Variants in SAV1 observed in about 807,000 individuals in gnomAD.
SAV1 encodes the protein protein salvador homolog 1.
A neutral mutation model predicts 47.3 loss-of-function variants in SAV1; 23 were observed. That is an observed-to-expected ratio of 0.49 (90% CI 0.35 to 0.69). The LOEUF (loss-of-function observed/expected upper bound fraction) is 0.69, where lower values mean the gene tolerates loss of function less well. SAV1 is among the 30% of genes least tolerant of loss of function. The pLI, the probability that SAV1 is intolerant of heterozygous loss-of-function variation, is 0.01. For synonymous variants in SAV1, 155 were observed against 159.2 expected (o/e 0.97, Z 0.20); for missense variants, 448 against 457.4 (o/e 0.98, Z 0.19).
intron 2 of SAV1, among the ~76,000 whole-genome samples, chr14:50,651,579 G>C (rs1341419096): frequency 6.6e-6 from 1 of 152,154 alleles, no homozygotes; most frequent in African/African-American, 2.4e-5. Context: ...AGCAGCTAAA[G>C]CATACTTCAG....
chr14:50,667,040 C>T (rs1430814369), intron 1 of SAV1, among the ~76,000 whole-genome samples: 2 of 151,882 alleles, frequency 1.3e-5, no homozygotes, highest in Non-Finnish European at 2.9e-5. Context: ...AGCAAAGGGC[C>T]CAGGGCGCAG....
intron 2 of SAV1, among the ~76,000 whole-genome samples, chr14:50,646,685 CAAAAAAA>C (rs78772724): frequency 1.3e-5 from 1 of 76,320 alleles, no homozygotes; most frequent in South Asian, 5.5e-4. Context: ...AACTCTGTCT[CAAAAAAA>C]AAAAAAAAAA....
Position 50,633,777 on chromosome 14 carries a change from A to G in SAV1, c.*1406T>C, listed in dbSNP as rs1016928183. 6.5e-6 allele frequency: 1 copy of G among 152,892 alleles called. No individual in the cohort carries two copies. Among genetic ancestry groups the G allele is most frequent in the Non-Finnish European group, 1.5e-5 (1 of 68,238 alleles). 9.5% of individuals were successfully genotyped at this position (152,892 alleles called of 1,614,324 possible). A position where few individuals can be genotyped will look rare whatever the true frequency, so the allele number is the denominator to read the frequency against. ...CTGGAAGACTTCCTAAGCTAAAAGTATATTTACATATTTACAACACATGTA... is the reference window on the plus strand; with the variant it reads ...CTGGAAGACTTCCTAAGCTAAAAGTGTATTTACATATTTACAACACATGTA... On this transcript the variant is annotated 3_prime_UTR_variant, in exon 5 of 5. Transcript: ENST00000324679.
intron 2 of SAV1, among the ~76,000 whole-genome samples, chr14:50,655,958 T>A (rs2039808934): frequency 6.6e-6 from 1 of 152,144 alleles, no homozygotes; most frequent in Admixed American, 6.5e-5. Context: ...GGCAGAAGAA[T>A]CACTTGAACC....
At chr14:50,650,845 A>G (rs1449944591) in intron 2 of SAV1, among the ~76,000 whole-genome samples, 1 of 152,106 alleles carries the variant, frequency 6.6e-6, no homozygotes, top group Non-Finnish European at 1.5e-5. Flanking sequence ...AAGACGACAA[A>G]ACCCTATCTC....
intron 2 of SAV1, among the ~76,000 whole-genome samples, chr14:50,651,126 C>CA (rs1168100795): frequency 6.6e-6 from 1 of 152,076 alleles, no homozygotes; most frequent in Non-Finnish European, 1.5e-5. Flanking sequence ...CATGAGAGAT[C>CA]CTGAGTCAGA....
rs747363793 is a variant in SAV1 at position 50,665,613 on chromosome 14, A to G, written c.101T>C (p.Met34Thr). Reference sequence around the variant, plus strand: ...TGGACCATGCCGGATGAATGAAGGCATAAGATCTACAATAAAACAAAGGAT... The same window carrying G: ...TGGACCATGCCGGATGAATGAAGGCGTAAGATCTACAATAAAACAAAGGAT... ...KETSPLLRNLMPSFIRHGPTI... is the reference protein window; with the variant it reads ...KETSPLLRNLTPSFIRHGPTI... Residue 34 changes from methionine to threonine, a missense_variant, in exon 2 of 5, where the codon ATG becomes ACG. Transcript: ENST00000324679. 1.3e-5 allele frequency: 20 copies of G among 1,596,920 alleles called. No homozygotes were observed. The East Asian group carries it at 3.6e-4, about 29-fold the overall frequency.
At chr14:50,661,738 G>C (rs900672677) in intron 2 of SAV1, among the ~76,000 whole-genome samples, 3 of 152,080 alleles carry the variant, frequency 2.0e-5, no homozygotes, top group African/African-American at 7.2e-5. Context: ...AAAATCAGTT[G>C]GCTGTAAATA....
In SAV1 at chr14:50,665,171, T is replaced by C. The variant is rs747251245; in HGVS notation, c.535+8A>G. The C allele has an allele frequency of 8.4e-6, 13 of 1,542,718 alleles. No homozygotes were observed. In the South Asian group the frequency reaches 1.3e-4, roughly 15 times the overall value. On this transcript the variant is annotated splice_region_variant and intron_variant, in intron 2 of 4. Coordinates refer to ENST00000324679, the MANE Select transcript of SAV1 (RefSeq NM_021818.4). ...TAAACTACTATATTATTTATAATGT[T>C]AAGCTACCTGAAGCATGCCTCCCCT... is the stretch of plus-strand genomic sequence containing the variant.
intron 1 of SAV1, 21 bp downstream of exon 1, chr14:50,667,853 C>A: frequency 6.2e-7 from 1 of 1,606,548 alleles, no homozygotes; most frequent in Non-Finnish European, 8.5e-7. Context: ...CAGGTGTGGG[C>A]ACGCCCCGCC....
intron 2 of SAV1, among the ~76,000 whole-genome samples, chr14:50,648,026 A>C (rs761373284): frequency 1.3e-5 from 2 of 152,266 alleles, no homozygotes; most frequent in Non-Finnish European, 2.9e-5. Context: ...TATTTGCCCC[A>C]AAGTGGAAAT....
chr14:50,658,045 G>T (rs191719219), intron 2 of SAV1, among the ~76,000 whole-genome samples: 2 of 152,156 alleles, frequency 1.3e-5, no homozygotes, highest in Non-Finnish European at 2.9e-5. Flanking sequence ...ATTAGCATGT[G>T]TTATAATCAA....
chr14:50,663,332 T>C (rs1455382400), intron 2 of SAV1, among the ~76,000 whole-genome samples: 4 of 152,270 alleles, frequency 2.6e-5, no homozygotes, highest in Admixed American at 6.5e-5. Context: ...GTTATTATTC[T>C]AGAAGAAAAT....
At chr14:50,641,746 C>G (rs2039682350) in intron 3 of SAV1, among the ~76,000 whole-genome samples, 1 of 152,104 alleles carries the variant, frequency 6.6e-6, no homozygotes. Context: ...AAAATGAATG[C>G]TTATACACTG....
chr14:50,659,159 G>A (rs1242435083), intron 2 of SAV1, among the ~76,000 whole-genome samples: 3 of 145,580 alleles, frequency 2.1e-5, no homozygotes, highest in Non-Finnish European at 4.5e-5. Flanking sequence ...TAAACCTAAC[G>A]CAATCTGATA....
At chr14:50,652,902 G>A (rs2356458) in intron 2 of SAV1, among the ~76,000 whole-genome samples, 3,736 of 152,224 alleles carry the variant, frequency 0.025, 150 homozygotes, top group African/African-American at 0.085. Flanking sequence ...GTGGTGGCAC[G>A]TGGCAGTGAT....
intron 4 of SAV1, among the ~76,000 whole-genome samples, chr14:50,639,344 GTC>G (rs1489598917): frequency 3.8e-5 from 5 of 130,678 alleles, no homozygotes; most frequent in Admixed American, 1.7e-4. Context: ...TTGCAAAAAT[GTC>G]TCTTTTTGTT....
rs2039625389 is a variant in SAV1, at chr14:50,635,345, A to G, written c.990T>C (p.Ala330=). 1 of 1,614,166 alleles carries G rather than the reference A, an allele frequency of 6.2e-7. No individual in the cohort carries two copies. Among genetic ancestry groups the G allele is most frequent in the Non-Finnish European group, 8.5e-7 (1 of 1,180,008 alleles). Residue 330 remains alanine, a synonymous_variant, in exon 5 of 5, where the codon GCT becomes GCC. Transcript: ENST00000324679. ...HILKWELFQL[A]DLDTYQGMLK... ...GCATTCCCTGGTATGTATCCAGGTC[A>G]GCCAGCTGGAAGAGTTCCCACTTCA...
intron 2 of SAV1, among the ~76,000 whole-genome samples, chr14:50,663,592 C>T (rs2039877427): frequency 6.6e-6 from 1 of 152,126 alleles, no homozygotes; most frequent in Non-Finnish European, 1.5e-5. Flanking sequence ...ATAAGTTGTT[C>T]TTACCAACTA....
Sources: gnomAD v4.1 joint callset for allele counts (sites outside exome capture counted in the v4.1 genomes callset) on GRCh38, gnomAD v4.1.1 for gene constraint, MANE v1.5 for transcripts, NCBI Gene and HGNC (gene_info 2026-07-23, HGNC 2026-07-21) for gene names.